The following CCSER1 variants were observed in gnomAD, a reference collection of about 807,000 sequenced individuals.
The protein encoded by CCSER1 is coiled-coil serine rich protein 1.
A neutral mutation model predicts 82.0 loss-of-function variants in CCSER1; 41 were observed. That is an observed-to-expected ratio of 0.50 (90% CI 0.39 to 0.65). The LOEUF (loss-of-function observed/expected upper bound fraction) is 0.65, where lower values mean the gene tolerates loss of function less well. Ranked by LOEUF, CCSER1 falls within the 30% of genes least tolerant of loss-of-function variation. CCSER1 has a pLI of 0.00. For missense variants in CCSER1, 1,119 were observed against 1,064.2 expected, an observed-to-expected ratio of 1.05 and a Z score of -0.72; for synonymous variants, 414 against 383.9, an observed-to-expected ratio of 1.08 and a Z score of -0.92.
intron 5 of CCSER1, among the ~76,000 whole-genome samples, chr4:90,553,676 TC>T (rs1777788184): frequency 6.6e-6 from 1 of 152,210 alleles, no homozygotes; most frequent in East Asian, 1.9e-4. Flanking sequence ...TTATAAATAA[TC>T]TTATTTTACT....
chr4:90,161,979 A>T (rs1189507754), intron 1 of CCSER1, among the ~76,000 whole-genome samples: 1 of 152,140 alleles, frequency 6.6e-6, no homozygotes, highest in African/African-American at 2.4e-5. Context: ...TTGCATTGGA[A>T]AGTAAGGCTC....
At chr4:91,070,768 A>G (rs1721344003) in intron 9 of CCSER1, among the ~76,000 whole-genome samples, 2 of 152,196 alleles carry the variant, frequency 1.3e-5, no homozygotes, top group Admixed American at 6.5e-5. Flanking sequence ...AATGCCTTCC[A>G]CAAAACCAGT....
chr4:90,830,567 T>C (rs1425783828), intron 8 of CCSER1, among the ~76,000 whole-genome samples: 2 of 152,164 alleles, frequency 1.3e-5, no homozygotes, highest in African/African-American at 4.8e-5. Context: ...CATGGAACTT[T>C]GTTGCTTTGG....
At chr4:91,405,527 A>G (rs1203114534) in intron 10 of CCSER1, among the ~76,000 whole-genome samples, 1 of 152,334 alleles carries the variant, frequency 6.6e-6, no homozygotes, top group South Asian at 2.1e-4. Flanking sequence ...TAGGCAACCT[A>G]CAGAATGGGA....
chr4:91,377,244 T>G (rs1419703205), intron 10 of CCSER1, among the ~76,000 whole-genome samples: 1 of 152,196 alleles, frequency 6.6e-6, no homozygotes, highest in Non-Finnish European at 1.5e-5. Flanking sequence ...GGATGACTTA[T>G]AATCCTTTGG....
At chr4:91,302,045 C>T (rs146699969) in intron 10 of CCSER1, among the ~76,000 whole-genome samples, 191 of 151,662 alleles carry the variant, frequency 1.3e-3, no homozygotes, top group Non-Finnish European at 2.4e-3. Context: ...ACACATATTG[C>T]TTAATAATAA....
chr4:90,186,997 A>T (rs1214130385), intron 1 of CCSER1, among the ~76,000 whole-genome samples: 1 of 151,930 alleles, frequency 6.6e-6, no homozygotes, highest in Non-Finnish European at 1.5e-5. Context: ...TATTCTTTAC[A>T]GTTTTAATGA....
chr4:91,115,841 T>TA (rs1726529080), intron 10 of CCSER1, among the ~76,000 whole-genome samples: 1 of 115,244 alleles, frequency 8.7e-6, no homozygotes. Context: ...TTCCATTCTT[T>TA]TATATATATA....
At chr4:90,755,870 A>G (rs190489526) in intron 7 of CCSER1, among the ~76,000 whole-genome samples, 35 of 152,294 alleles carry the variant, frequency 2.3e-4, no homozygotes, top group Non-Finnish European at 4.4e-4. Context: ...TTACACTTCT[A>G]AAGTATATTT....
intron 10 of CCSER1, among the ~76,000 whole-genome samples, chr4:91,260,570 T>C (rs892289472): frequency 6.6e-6 from 1 of 152,180 alleles, no homozygotes; most frequent in Admixed American, 6.5e-5. Context: ...TACTGTGTGA[T>C]GGAAGATGGT....
intron 10 of CCSER1, among the ~76,000 whole-genome samples, chr4:91,257,853 T>A (rs1740819006): frequency 9.9e-5 from 15 of 152,086 alleles, no homozygotes; most frequent in Admixed American, 9.8e-4. Flanking sequence ...TATTTAATGT[T>A]AACATTAAGA....
intron 5 of CCSER1, among the ~76,000 whole-genome samples, chr4:90,524,305 A>G (rs1417953717): frequency 2.0e-5 from 3 of 152,210 alleles, no homozygotes; most frequent in Non-Finnish European, 4.4e-5. Flanking sequence ...GATAAGACTT[A>G]AATATCACCA....
At chr4:90,296,094 G>A (rs1251823994) in intron 1 of CCSER1, among the ~76,000 whole-genome samples, 3 of 151,944 alleles carry the variant, frequency 2.0e-5, no homozygotes, top group African/African-American at 7.2e-5. Context: ...TACTGACATT[G>A]CCACCGCTCA....
intron 5 of CCSER1, among the ~76,000 whole-genome samples, chr4:90,505,266 G>C (rs1030376324): frequency 6.6e-6 from 1 of 152,210 alleles, no homozygotes; most frequent in Non-Finnish European, 1.5e-5. Flanking sequence ...GCTCCCATCT[G>C]GGGCACCCAG....
chr4:90,960,959 G>A (rs1733995922), intron 9 of CCSER1, among the ~76,000 whole-genome samples: 1 of 152,144 alleles, frequency 6.6e-6, no homozygotes, highest in South Asian at 2.1e-4. Context: ...AACACAGGCA[G>A]TTTGGCTCAG....
At chr4:90,448,485 A>ATATT (rs1553914348) in intron 4 of CCSER1, among the ~76,000 whole-genome samples, 72 of 124,082 alleles carry the variant, frequency 5.8e-4, no homozygotes, top group African/African-American at 2.1e-3. Flanking sequence ...ATATATATAT[A>ATATT]GCACTTTTCT....
chr4:91,483,373 G>A (rs1008954134), intron 10 of CCSER1, among the ~76,000 whole-genome samples: 1 of 152,030 alleles, frequency 6.6e-6, no homozygotes, highest in Non-Finnish European at 1.5e-5. Flanking sequence ...CTCTCTTATG[G>A]GCCTGACTTA....
At chr4:91,226,597 A>G (rs967767934) in intron 10 of CCSER1, among the ~76,000 whole-genome samples, 1 of 151,944 alleles carries the variant, frequency 6.6e-6, no homozygotes. Context: ...GGAATCGTAT[A>G]TGCTAAATAA....
At chr4:90,268,421 A>G (rs1725643894) in intron 1 of CCSER1, among the ~76,000 whole-genome samples, 2 of 152,274 alleles carry the variant, frequency 1.3e-5, no homozygotes, top group Middle Eastern at 3.4e-3. Context: ...TGCAGAGTTT[A>G]TATTAGTTTT....
Sources: allele counts gnomAD v4.1 joint callset (sites outside exome capture counted in the v4.1 genomes callset), GRCh38; gene constraint gnomAD v4.1.1; transcripts MANE v1.5; gene names NCBI Gene and HGNC (gene_info 2026-07-23, HGNC 2026-07-21).